Variants in EMC1 observed in about 807,000 individuals in gnomAD.
EMC1 encodes the protein ER membrane protein complex subunit 1, also known as KIAA0090.
A neutral mutation model predicts 128.8 loss-of-function variants in EMC1; 103 were observed. The observed-to-expected ratio is 0.80, with a 90% confidence interval of 0.68 to 0.94. The LOEUF is 0.94. Among genes scored for constraint, EMC1 ranks in the 40% least tolerant of loss-of-function variants. The pLI, the probability that EMC1 is intolerant of heterozygous loss-of-function variation, is 0.00. For synonymous variants in EMC1, 442 were observed against 490.4 expected, an observed-to-expected ratio of 0.90 and a Z score of 1.30; for missense variants, 1,083 against 1,250.6, an observed-to-expected ratio of 0.87 and a Z score of 2.02.
In EMC1 at chr1:19,230,857, T is replaced by C. The variant is rs2093515791; in HGVS notation, c.2051A>G (p.Tyr684Cys). The C allele has an allele frequency of 1.2e-6, 2 of 1,612,200 alleles. No homozygotes were observed. Among genetic ancestry groups the C allele is most frequent in the Non-Finnish European group, 1.7e-6 (2 of 1,179,322 alleles). ...ATGCCTTCCTACCTTTCGAAGCCGA[T>C]ATCCACACAGCCGTCCCTGCTCTGC... Reference protein sequence around the residue: ...VDAEQGRLCGYRLRKDLTTEL... With the variant: ...VDAEQGRLCGCRLRKDLTTEL... Residue 684 changes from tyrosine (Y) to cysteine (C), a missense_variant, in exon 17 of 23, where the codon TAT becomes TGT. This residue lies in a region of EMC1 where 527 missense variants were observed against 644.1 expected (regional missense o/e 0.82). Coordinates refer to ENST00000477853, the MANE Select transcript of EMC1 (RefSeq NM_015047.3).
chr1:19,227,386 A>C lies in EMC1; in HGVS notation c.2129T>G (p.Val710Gly). ...GTGCTCACTGCTGCGTTTCCCCTTCACCTTGACGATCCGCTGTACTTCTGG... is the reference window on the plus strand; with the variant it reads ...GTGCTCACTGCTGCGTTTCCCCTTCCCCTTGACGATCCGCTGTACTTCTGG... ...IPPEVQRIVK[V>G]KGKRSSEHVH... The change falls in exon 18 of 23, where the codon GTG becomes GGG. Residue 710 changes from valine to glycine, a missense_variant. Transcript: ENST00000477853. 6.2e-7 allele frequency: 1 copy of C among 1,613,904 alleles called. No homozygotes were observed. The highest frequency in any genetic ancestry group is 8.5e-7 in the Non-Finnish European group (1 of 1,179,970).
At chr1:19,222,232 G>A (rs540541318) in intron 20 of EMC1, among the ~76,000 whole-genome samples, 9 of 152,176 alleles carry the variant, frequency 5.9e-5, no homozygotes, top group Non-Finnish European at 1.3e-4. Context: ...GGCCAAGGCA[G>A]GAGGATCACA....
intron 19 of EMC1, among the ~76,000 whole-genome samples, 172 bp downstream of exon 19, chr1:19,223,224 T>G (rs1303617314): frequency 6.6e-6 from 1 of 152,182 alleles, no homozygotes; most frequent in Non-Finnish European, 1.5e-5. Context: ...GAGGTAAGAT[T>G]AAACCTAGGC....
intron 2 of EMC1, 149 bp downstream of exon 2, chr1:19,244,757 A>T: frequency 1.2e-6 from 1 of 812,036 alleles, no homozygotes; most frequent in Non-Finnish European, 1.9e-6. Context: ...AAAGATGGTA[A>T]GACTGAAAAA....
intron 18 of EMC1, among the ~76,000 whole-genome samples, chr1:19,225,738 A>G (rs923443035): frequency 6.6e-6 from 1 of 151,840 alleles, no homozygotes; most frequent in African/African-American, 2.4e-5. Flanking sequence ...AGGACTGCTT[A>G]AGCCCGGGAG....
chr1:19,237,170 A>C lies in EMC1; in HGVS notation c.1281T>G (p.Asp427Glu). The change falls in exon 12 of 23, where the codon GAT (aspartate) becomes GAG (glutamate). Residue 427 changes from aspartate to glutamate, a missense_variant. Around this residue, in one of 3 missense-constraint regions of EMC1, gnomAD observed 544 missense variants for 572.4 expected, o/e 0.95. Coordinates refer to ENST00000477853, the MANE Select transcript of EMC1 (RefSeq NM_015047.3). ...VGYRALVQTE[D>E]HLLLFLQQLA... ...ACTGCTGCAGGAAAAGTAGCAGATG[A>C]TCCTCTGTCTGCACCAAAGCCCGGT... 1 of 1,613,884 alleles carries C rather than the reference A, an allele frequency of 6.2e-7. No individual in the cohort carries two copies. Among genetic ancestry groups the C allele is most frequent in the Non-Finnish European group, 8.5e-7 (1 of 1,179,850 alleles).
intron 20 of EMC1, chr1:19,221,965 G>A (rs1474763912): frequency 6.5e-6 from 1 of 153,394 alleles, no homozygotes; most frequent in Non-Finnish European, 1.5e-5. Context: ...GGGAGGCTGA[G>A]GAGGAGGATC....
rs1195232030 is a variant in EMC1 at position 19,227,294 on chromosome 1, G to T, written c.2202+19C>A. On this transcript the variant is annotated intron_variant, in intron 18 of 22. Transcript: ENST00000477853. The stretch of plus-strand genomic sequence containing the variant: ...ATTCGAAAGCCCTTGCTGTAGACCA[G>T]ACAGCTGGCTGTATGTACCTTGTAG... 1.9e-6 allele frequency: 3 copies of T among 1,613,752 alleles called. No homozygotes were observed. The African/African-American group carries it at 4.0e-5, about 22-fold the overall frequency.
At chr1:19,231,215 A>T (rs766255148) in intron 16 of EMC1, 46 bp downstream of exon 16, 7 of 1,549,596 alleles carry the variant, frequency 4.5e-6, no homozygotes, top group Non-Finnish European at 5.2e-6. Flanking sequence ...CCTGGCCCCA[A>T]ACCGGACTCC....
rs532754957 is a variant in EMC1 at position 19,245,627 on chromosome 1, C to T, written c.96-597G>A. ...ACACCCAAAAGGGCACCTTACCTTT[C>T]TTTTTTTTTTTTTTGAGACGAAGTC... On this transcript the variant is annotated intron_variant, in intron 1 of 22. Coordinates refer to ENST00000477853, the MANE Select transcript of EMC1 (RefSeq NM_015047.3). Among the ~76,000 whole-genome samples the T allele has an allele frequency of 1.6e-3, 194 of 123,076 alleles. 4 individuals are homozygous for T. The highest frequency in any genetic ancestry group is 0.012 in the South Asian group (46 of 3,866). 80.7% of individuals were successfully genotyped at this position (123,076 alleles called of 152,430 possible).
chr1:19,231,297 G>A lies in EMC1; in HGVS notation c.1908C>T (p.Tyr636=), dbSNP rs145254383. Residue 636 remains tyrosine (Y), a synonymous_variant, in exon 16 of 23, where the codon TAC becomes TAT. Transcript: ENST00000477853. ...SLLLPVMDQD[Y]AKVLLLIDDE... ...CATCTATCAACAGCAACACCTTGGC[G>A]TAGTCTTGATCCATGACTGGGAGAA... The A allele has an allele frequency of 4.4e-4, 707 of 1,608,722 alleles. 6 individuals carry two copies. The highest frequency in any genetic ancestry group is 4.3e-3 in the South Asian group (386 of 90,180).
chr1:19,242,787 G>A (rs2093614029), intron 4 of EMC1, among the ~76,000 whole-genome samples: 1 of 152,162 alleles, frequency 6.6e-6, no homozygotes, highest in African/African-American at 2.4e-5. Context: ...TGTCATTACT[G>A]TGCTACCTGC....
At chr1:19,234,376 A>C (rs2151951337) in intron 13 of EMC1, among the ~76,000 whole-genome samples, 1 of 152,298 alleles carries the variant, frequency 6.6e-6, no homozygotes, top group Non-Finnish European at 1.5e-5. Flanking sequence ...AATCAAGTTC[A>C]TCCTGGCAGT....
At chr1:19,242,093 G>C (rs907391238) in intron 5 of EMC1, among the ~76,000 whole-genome samples, 1 of 152,110 alleles carries the variant, frequency 6.6e-6, no homozygotes, top group African/African-American at 2.4e-5. Flanking sequence ...CGAGTGAGTG[G>C]CTCCCGTAGC....
chr1:19,239,453 G>A lies in EMC1; in HGVS notation c.955-151C>T, dbSNP rs2093590225. 20 of 664,028 alleles carry A rather than the reference G, an allele frequency of 3.0e-5. No homozygotes were observed. The South Asian group carries it at 3.7e-4, about 12-fold the overall frequency. The allele number at this position is 664,028 out of a possible 1,614,324, so 41.1% of individuals were successfully genotyped here. A position where few individuals can be genotyped will look rare whatever the true frequency, so the allele number is the denominator to read the frequency against. Reference sequence around the variant, plus strand: ...AATGGTCAGGCATTTAAGAGCAGAGGGAGGCCTCAGTTGCATCTACAGCTG... The same window carrying A: ...AATGGTCAGGCATTTAAGAGCAGAGAGAGGCCTCAGTTGCATCTACAGCTG... On this transcript the variant is annotated intron_variant, in intron 8 of 22. Coordinates refer to ENST00000477853, the MANE Select transcript of EMC1 (RefSeq NM_015047.3).
Position 19,223,656 on chromosome 1 carries a change from C to A in EMC1, c.2203-87G>T. On this transcript the variant is annotated intron_variant, in intron 18 of 22. Transcript: ENST00000477853. The stretch of plus-strand genomic sequence containing the variant: ...TGCTGTGAGACCAACCTGGAGCTCT[C>A]CAGCCTGGCAGAGGAATCAGGGTTT... The A allele has an allele frequency of 2.4e-6, 3 of 1,247,468 alleles. No individual in the cohort carries two copies. In the South Asian group the frequency reaches 4.2e-5, roughly 17 times the overall value. 77.3% of individuals were successfully genotyped at this position (1,247,468 alleles called of 1,614,324 possible). A position where few individuals can be genotyped will look rare whatever the true frequency, so the allele number is the denominator to read the frequency against.
In EMC1 at chr1:19,232,953, C is replaced by T. The variant is rs1422084899; in HGVS notation, c.1615G>A (p.Val539Ile). ...EFNLQKMMVM[V>I]TASGKLFGIE... ...CCACTCACCTTGCCTGAGGCTGTTA[C>T]CATCACCATCATCTTCTGGAGGTTG... The change falls in exon 14 of 23, where the codon GTA becomes ATA. Residue 539 changes from valine to isoleucine, a missense_variant. Physicochemically the swap from Val to Ile is conservative, Grantham distance 29. This residue lies in a region of EMC1 where 527 missense variants were observed against 644.1 expected (regional missense o/e 0.82). Coordinates refer to ENST00000477853, the MANE Select transcript of EMC1 (RefSeq NM_015047.3). The T allele has an allele frequency of 6.2e-7, 1 of 1,614,010 alleles. No individual in the cohort carries two copies. The highest frequency in any genetic ancestry group is 1.3e-5 in the African/African-American group (1 of 74,910).
chr1:19,224,843 C>T (rs2093459839), intron 18 of EMC1, among the ~76,000 whole-genome samples: 2 of 152,192 alleles, frequency 1.3e-5, no homozygotes, highest in African/African-American at 4.8e-5. Flanking sequence ...CACTCATCAT[C>T]TTCTAGTTAC....
In EMC1 at chr1:19,231,298, T is replaced by C. The variant is rs762676984; in HGVS notation, c.1907A>G (p.Tyr636Cys). The C allele has an allele frequency of 6.2e-7, 1 of 1,609,050 alleles. No individual in the cohort carries two copies. The highest frequency in any genetic ancestry group is 1.7e-5 in the Admixed American group (1 of 57,870). ...ATCTATCAACAGCAACACCTTGGCG[T>C]AGTCTTGATCCATGACTGGGAGAAG... Reference protein sequence around the residue: ...SLLLPVMDQDYAKVLLLIDDE... With the variant: ...SLLLPVMDQDCAKVLLLIDDE... The change falls in exon 16 of 23, where the codon TAC becomes TGC. Residue 636 changes from tyrosine (Y) to cysteine (C), a missense_variant. Tyr to Cys is a radical substitution (Grantham distance 194). Transcript: ENST00000477853.
Sources: allele counts gnomAD v4.1 joint callset (sites outside exome capture counted in the v4.1 genomes callset), GRCh38; gene constraint gnomAD v4.1.1; regional missense constraint gnomAD v4.1.1; transcripts MANE v1.5; gene names NCBI Gene and HGNC (gene_info 2026-07-23, HGNC 2026-07-21).